The following OR4N2 variants were observed in gnomAD, a reference collection of about 807,000 sequenced individuals.
OR4N2 encodes the protein olfactory receptor family 4 subfamily N member 2.
For synonymous variants in OR4N2, 141 were observed against 140.4 expected (o/e 1.00, Z -0.03); for missense variants, 307 against 377.6 (o/e 0.81, Z 1.55).
At chr14:19,816,933 G>A (rs1420560203) in intron 1 of OR4N2, among the ~76,000 whole-genome samples, 1 of 152,234 alleles carries the variant, frequency 6.6e-6, no homozygotes, top group Non-Finnish European at 1.5e-5. Flanking sequence ...GGCCTTTTCT[G>A]CATCTATTGA....
chr14:19,813,140 T>C (rs1029229522), intron 1 of OR4N2, among the ~76,000 whole-genome samples: 3 of 152,216 alleles, frequency 2.0e-5, no homozygotes, highest in African/African-American at 7.2e-5. Flanking sequence ...TGCACAATTA[T>C]GAAAAAAATC....
intron 1 of OR4N2, among the ~76,000 whole-genome samples, chr14:19,807,588 T>TA (rs35038283): frequency 4.2e-4 from 64 of 151,802 alleles, no homozygotes; most frequent in Non-Finnish European, 8.4e-4. Flanking sequence ...GAATCAATAA[T>TA]AAAAAAAGCC....
In OR4N2 at chr14:19,829,918, C is replaced by CA. The variant is rs1247905126; in HGVS notation, c.*1546_*1547insA. The CA allele has an allele frequency of 6.6e-5, 10 of 152,266 alleles. No homozygotes were observed. The highest frequency in any genetic ancestry group is 6.5e-4 in the Admixed American group (10 of 15,286). The allele number at this position is 152,266 out of a possible 1,614,324, so 9.4% of individuals were successfully genotyped here. A position where few individuals can be genotyped will look rare whatever the true frequency, so the allele number is the denominator to read the frequency against. ...TCTCACTCTGTTTATTGCGTTGCTTCCTGTTTTAGTGAGAAAGGTAGCAGG... is the reference window on the plus strand; with the variant it reads ...TCTCACTCTGTTTATTGCGTTGCTTCACTGTTTTAGTGAGAAAGGTAGCAGG... On this transcript the variant is annotated 3_prime_UTR_variant, in exon 2 of 2. Transcript: ENST00000557677.
At chr14:19,827,401 T>C (rs374777800) in intron 1 of OR4N2, 39 bp from the exon 2 acceptor site, 5 of 1,499,612 alleles carry the variant, frequency 3.3e-6, no homozygotes, top group African/African-American at 2.8e-5. Flanking sequence ...TTGGAAGACA[T>C]AGTAATAACA....
intron 1 of OR4N2, among the ~76,000 whole-genome samples, chr14:19,811,840 T>A (rs1879304257): frequency 6.6e-6 from 1 of 152,250 alleles, no homozygotes; most frequent in African/African-American, 2.4e-5. Flanking sequence ...ATAGCAACCA[T>A]TATAACATAT....
At chr14:19,815,291 G>GTT in intron 1 of OR4N2, among the ~76,000 whole-genome samples, 2 of 152,246 alleles carry the variant, frequency 1.3e-5, no homozygotes, top group Non-Finnish European at 2.9e-5. Context: ...TCCACCAACA[G>GTT]TGTAAAAGCG....
intron 1 of OR4N2, among the ~76,000 whole-genome samples, chr14:19,820,343 C>A (rs1316821593): frequency 6.6e-6 from 1 of 152,264 alleles, no homozygotes. Flanking sequence ...AATTTGTCTG[C>A]TCTTAATTCT....
intron 1 of OR4N2, among the ~76,000 whole-genome samples, chr14:19,809,723 C>T (rs555324770): frequency 6.6e-6 from 1 of 152,172 alleles, no homozygotes; most frequent in African/African-American, 2.4e-5. Context: ...TGAACTTTCA[C>T]AAAGAGGATA....
intron 1 of OR4N2, among the ~76,000 whole-genome samples, chr14:19,806,448 C>G (rs1879167080): frequency 6.6e-6 from 1 of 151,828 alleles, no homozygotes; most frequent in African/African-American, 2.4e-5. Context: ...GCATATGAAA[C>G]AAGCCAACAA....
At chr14:19,822,727 G>T (rs2138478298) in intron 1 of OR4N2, among the ~76,000 whole-genome samples, 1 of 152,338 alleles carries the variant, frequency 6.6e-6, no homozygotes, top group East Asian at 1.9e-4. Flanking sequence ...ATATTTTCAG[G>T]ATTAACTTTG....
At chr14:19,820,967 C>T (rs1162069771) in intron 1 of OR4N2, among the ~76,000 whole-genome samples, 2 of 152,214 alleles carry the variant, frequency 1.3e-5, no homozygotes, top group Non-Finnish European at 2.9e-5. Flanking sequence ...TTCCAGGTGC[C>T]ACTGGGGTAT....
rs1459207073 is a variant in OR4N2 at position 19,812,551 on chromosome 14, G to A, written c.-10+8707G>A. On this transcript the variant is annotated intron_variant, in intron 1 of 1. Transcript: ENST00000557677. ...TTTTTGTATTTTTCAGTAGAGACGAGGTTTCACCGTGTTAGCCAGAATGGT... is the reference window on the plus strand; with the variant it reads ...TTTTTGTATTTTTCAGTAGAGACGAAGTTTCACCGTGTTAGCCAGAATGGT... Among the ~76,000 whole-genome samples the A allele has an allele frequency of 3.3e-5, 5 of 152,032 alleles. No individual in the cohort carries two copies. In the East Asian group the frequency reaches 5.8e-4, roughly 18 times the overall value.
chr14:19,811,504 C>T (rs1286643412), intron 1 of OR4N2, among the ~76,000 whole-genome samples: 3 of 152,366 alleles, frequency 2.0e-5, no homozygotes, highest in Non-Finnish European at 2.9e-5. Context: ...CCTAGGCCCC[C>T]CAAAGTGCTG....
chr14:19,815,670 G>GTTT (rs1234128937), intron 1 of OR4N2, among the ~76,000 whole-genome samples: 2 of 105,468 alleles, frequency 1.9e-5, no homozygotes, highest in Admixed American at 9.5e-5. Context: ...TTTTTTTTTT[G>GTTT]TTTTTTTTCT....
At chr14:19,811,549 C>T (rs1211871670) in intron 1 of OR4N2, among the ~76,000 whole-genome samples, 2 of 152,220 alleles carry the variant, frequency 1.3e-5, no homozygotes, top group Admixed American at 6.5e-5. Flanking sequence ...CCTGGCTACA[C>T]ATAAAATTTT....
At chr14:19,809,152 CAA>C (rs368220229) in intron 1 of OR4N2, among the ~76,000 whole-genome samples, 3 of 138,898 alleles carry the variant, frequency 2.2e-5, no homozygotes, top group East Asian at 2.1e-4. Context: ...TAGCCAGATA[CAA>C]AAAAAAAAAA....
chr14:19,824,980 TA>T (rs1386437416), intron 1 of OR4N2, among the ~76,000 whole-genome samples: 2 of 152,266 alleles, frequency 1.3e-5, no homozygotes, highest in Non-Finnish European at 2.9e-5. Flanking sequence ...GCGTCGACTG[TA>T]GAAGGGGCTC....
Position 19,828,498 on chromosome 14 carries a change from A to C in OR4N2, c.*126A>C. The stretch of plus-strand genomic sequence containing the variant: ...TTGTCAGGACTATTCTGGGAACTGA[A>C]AAAAGAAATTACTGAGGCAGATAAG... On this transcript the variant is annotated 3_prime_UTR_variant, in exon 2 of 2. Transcript: ENST00000557677. 9.7e-7 allele frequency: 1 copy of C among 1,031,522 alleles called. No homozygotes were observed. The highest frequency in any genetic ancestry group is 2.6e-5 in the East Asian group (1 of 38,336). The allele number at this position is 1,031,522 out of a possible 1,614,324, so 63.9% of individuals were successfully genotyped here.
intron 1 of OR4N2, among the ~76,000 whole-genome samples, chr14:19,806,420 G>A (rs1438976522): frequency 6.6e-6 from 1 of 151,982 alleles, no homozygotes; most frequent in Non-Finnish European, 1.5e-5. Flanking sequence ...AAAAATAGTA[G>A]GGGTCACTAT....
Sources: allele counts gnomAD v4.1 joint callset (sites outside exome capture counted in the v4.1 genomes callset), GRCh38; gene constraint gnomAD v4.1.1; transcripts MANE v1.5; gene names NCBI Gene and HGNC (gene_info 2026-07-23, HGNC 2026-07-21).